The following PIK3C2A variants were observed in gnomAD, a reference collection of about 807,000 sequenced individuals.
PIK3C2A encodes phosphatidylinositol-4-phosphate 3-kinase catalytic subunit type 2 alpha.
A neutral mutation model predicts 204.5 loss-of-function variants in PIK3C2A; 97 were observed. The ratio of observed to expected loss-of-function variants is 0.47; its 90% confidence interval spans 0.40 to 0.56. The LOEUF (loss-of-function observed/expected upper bound fraction) is 0.56, where lower values mean the gene tolerates loss of function less well. PIK3C2A is among the 20% of genes least tolerant of loss of function. PIK3C2A has a pLI of 0.00. For synonymous variants in PIK3C2A, 653 were observed against 664.4 expected (o/e 0.98, Z 0.26); for missense variants, 1,735 against 1,969.2 (o/e 0.88, Z 2.25).
At chr11:17,206,673 A>G (rs1446473308) in intron 1 of PIK3C2A, among the ~76,000 whole-genome samples, 4 of 151,642 alleles carry the variant, frequency 2.6e-5, no homozygotes, top group Non-Finnish European at 5.9e-5. Context: ...CAAGCCAAGG[A>G]GGCAAAGGTA....
intron 2 of PIK3C2A, among the ~76,000 whole-genome samples, chr11:17,165,772 T>A (rs1590983436): frequency 1.0e-5 from 1 of 95,880 alleles, no homozygotes; most frequent in African/African-American, 4.4e-5. Flanking sequence ...AGAAACTGTC[T>A]CAAAAAAGTG....
At chr11:17,150,437 A>G (rs1850388052) in intron 4 of PIK3C2A, 61 bp downstream of exon 4, 2 of 1,374,822 alleles carry the variant, frequency 1.5e-6, no homozygotes, top group South Asian at 1.6e-5. Flanking sequence ...GATAATATTG[A>G]TATTTTAAAC....
At chr11:17,142,708 A>C (rs1250151841) in intron 8 of PIK3C2A, among the ~76,000 whole-genome samples, 2 of 152,092 alleles carry the variant, frequency 1.3e-5, no homozygotes, top group African/African-American at 4.8e-5. Flanking sequence ...TGACAGAGTG[A>C]CACCCTGTCA....
At chr11:17,100,075 T>C in intron 25 of PIK3C2A, 106 bp from the exon 26 acceptor site, 1 of 632,132 alleles carries the variant, frequency 1.6e-6, no homozygotes, top group South Asian at 1.9e-5. Context: ...CAAACAAAAA[T>C]AATCAGTCTT....
chr11:17,200,447 T>C (rs934814695), intron 1 of PIK3C2A, among the ~76,000 whole-genome samples: 4 of 152,172 alleles, frequency 2.6e-5, no homozygotes, highest in Non-Finnish European at 4.4e-5. Flanking sequence ...AAAAGAGACA[T>C]GTTATTGAAT....
At position 17,145,888 on chromosome 11, in the gene PIK3C2A, T is replaced by G; in HGVS notation, c.1615A>C (p.Lys539Gln). The G allele has an allele frequency of 6.2e-7, 1 of 1,613,682 alleles. No individual in the cohort carries two copies. The highest frequency in any genetic ancestry group is 8.5e-7 in the Non-Finnish European group (1 of 1,179,868). Residue 539 changes from lysine (K) to glutamine (Q), a missense_variant, in exon 7 of 33, where the codon AAA becomes CAA. Physicochemically the swap from Lys to Gln is moderately conservative, Grantham distance 53 (BLOSUM62 1). Around this residue, in one of 6 missense-constraint regions of PIK3C2A, gnomAD observed 106 missense variants for 108.2 expected, o/e 0.98. Transcript: ENST00000691414. ...CTCGTCATGGCTTCTTTGCAAGGTT[T>G]TTCTATTTGATACAGGTGTTTGTTT... ...DLNKHLYQIE[K>Q]PCKEAMTRHP...
intron 27 of PIK3C2A, among the ~76,000 whole-genome samples, chr11:17,096,257 T>C (rs996879322): frequency 7.0e-6 from 1 of 143,548 alleles, no homozygotes; most frequent in African/African-American, 2.6e-5. Context: ...CAGGCTGGTC[T>C]TGAACTCCTG....
At chr11:17,130,491 G>T (rs1207019166) in intron 12 of PIK3C2A, among the ~76,000 whole-genome samples, 2 of 152,134 alleles carry the variant, frequency 1.3e-5, no homozygotes, top group African/African-American at 4.8e-5. Context: ...CCTAAATAAT[G>T]AGAGTTCCCT....
At chr11:17,175,276 T>C (rs1308152041) in intron 1 of PIK3C2A, among the ~76,000 whole-genome samples, 2 of 152,224 alleles carry the variant, frequency 1.3e-5, no homozygotes, top group Non-Finnish European at 2.9e-5. Context: ...AAGTAGTATA[T>C]GCTAAAGTAA....
intron 23 of PIK3C2A, among the ~76,000 whole-genome samples, chr11:17,104,567 T>G (rs1366299507): frequency 6.6e-6 from 1 of 151,624 alleles, no homozygotes; most frequent in East Asian, 1.9e-4. Context: ...CTACTAAAAA[T>G]ACAAAAAATT....
chr11:17,129,596 A>T, intron 12 of PIK3C2A, 129 bp from the exon 13 acceptor site: 1 of 658,114 alleles, frequency 1.5e-6, no homozygotes, highest in Non-Finnish European at 2.5e-6. Flanking sequence ...TGGTATTTTT[A>T]TTTTATTTTA....
At chr11:17,119,020 C>T (rs959950815) in intron 17 of PIK3C2A, among the ~76,000 whole-genome samples, 200 bp downstream of exon 17, 3 of 152,144 alleles carry the variant, frequency 2.0e-5, no homozygotes, top group Non-Finnish European at 4.4e-5. Context: ...ACTAAAAATA[C>T]AGGTGCCTAT....
At chr11:17,103,148 T>C (rs988695271) in intron 23 of PIK3C2A, among the ~76,000 whole-genome samples, 1 of 151,462 alleles carries the variant, frequency 6.6e-6, no homozygotes, top group Non-Finnish European at 1.5e-5. Context: ...TGCACCTCTC[T>C]GACTCTGCTG....
rs1406454525 is a variant in PIK3C2A, at chr11:17,134,889, A to T, written c.2038T>A (p.Trp680Arg). The T allele has an allele frequency of 1.2e-6, 2 of 1,614,184 alleles. No individual in the cohort carries two copies. The highest frequency in any genetic ancestry group is 1.7e-5 in the Admixed American group (1 of 60,026). ...AACTGGAGCTGCTCTGTTGTAGTCC[A>T]TGCTTCCTTGACACTCTTGCTACTT... is the stretch of plus-strand genomic sequence containing the variant. ...AQSSKSVKEA[W>R]TTTEQLQFTI... The change falls in exon 11 of 33, where the codon TGG becomes AGG. Residue 680 changes from tryptophan to arginine, a missense_variant. This residue lies in a region of PIK3C2A where 567 missense variants were observed against 576.0 expected (regional missense o/e 0.98). Coordinates refer to ENST00000691414, the MANE Select transcript of PIK3C2A (RefSeq NM_002645.4).
At chr11:17,138,904 A>G (rs1849962653) in intron 8 of PIK3C2A, among the ~76,000 whole-genome samples, 1 of 152,162 alleles carries the variant, frequency 6.6e-6, no homozygotes, top group East Asian at 1.9e-4. Context: ...ATCTTTTACT[A>G]ATTAATGATT....
At chr11:17,184,342 C>T (rs1851680952) in intron 1 of PIK3C2A, among the ~76,000 whole-genome samples, 1 of 151,836 alleles carries the variant, frequency 6.6e-6, no homozygotes. Context: ...CCCCTGAGGA[C>T]TTCCAGTGAA....
In PIK3C2A at chr11:17,207,973, A is replaced by C. The variant is rs987135598; in HGVS notation, c.-191T>G. 6.6e-6 allele frequency: 1 copy of C among 152,266 alleles called. No individual in the cohort carries two copies. The highest frequency in any genetic ancestry group is 1.5e-5 in the Non-Finnish European group (1 of 68,086). The allele number at this position is 152,266 out of a possible 1,614,324, so 9.4% of individuals were successfully genotyped here. On this transcript the variant is annotated 5_prime_UTR_variant, in exon 1 of 33. Coordinates refer to ENST00000691414, the MANE Select transcript of PIK3C2A (RefSeq NM_002645.4). ...GCTTCGGCCGACTCCACAGCCAGCC[A>C]AGCGCAGCACGTCACTTCCGGACAG...
At position 17,136,535 on chromosome 11, in the gene PIK3C2A, A is replaced by T; in HGVS notation, c.1795T>A (p.Ser599Thr). The stretch of plus-strand genomic sequence containing the variant: ...ACTGCTCTCTTTAGCTTCTTTACTG[A>T]TTCTGTAATGGCAAGAGTCTCGACA... ...DGVETLAITE[S>T]VKKLKRAVNL... Residue 599 changes from serine to threonine, a missense_variant, in exon 9 of 33, where the codon TCA (serine) becomes ACA (threonine). Physicochemically the swap from Ser to Thr is moderately conservative, Grantham distance 58. This residue lies in a region of PIK3C2A where 106 missense variants were observed against 108.2 expected (regional missense o/e 0.98). Coordinates refer to ENST00000691414, the MANE Select transcript of PIK3C2A (RefSeq NM_002645.4). 1 of 1,608,710 alleles carries T rather than the reference A, an allele frequency of 6.2e-7. No homozygotes were observed. Among genetic ancestry groups the T allele is most frequent in the Non-Finnish European group, 8.5e-7 (1 of 1,175,398 alleles).
In PIK3C2A at chr11:17,192,088, C is replaced by T. The variant is rs12277497; in HGVS notation, c.-66+15760G>A. Among the ~76,000 whole-genome samples, 1,098 of 152,034 alleles carry T rather than the reference C, an allele frequency of 7.2e-3. 22 individuals are homozygous for T. Among genetic ancestry groups the T allele is most frequent in the African/African-American group, 0.025 (1,046 of 41,480 alleles). ...TGAGCCCAGGAAGCAGAGGTTGCAG[C>T]AAGCGGAGATCGCACCACTGCACTC... On this transcript the variant is annotated intron_variant, in intron 1 of 32. Coordinates refer to ENST00000691414, the MANE Select transcript of PIK3C2A (RefSeq NM_002645.4).
Sources: gnomAD v4.1 joint callset for allele counts (sites outside exome capture counted in the v4.1 genomes callset) on GRCh38, gnomAD v4.1.1 for gene constraint, gnomAD v4.1.1 regional missense constraint, MANE v1.5 for transcripts, NCBI Gene and HGNC (gene_info 2026-07-23, HGNC 2026-07-21) for gene names.